TMEM217: variants seen among roughly 807,000 people sequenced by gnomAD.
The protein encoded by TMEM217 is chromosome 6 open reading frame 128.
For missense variants in TMEM217, 204 were observed against 248.8 expected, an observed-to-expected ratio of 0.82 and a Z score of 1.21; for synonymous variants, 76 against 88.3, an observed-to-expected ratio of 0.86 and a Z score of 0.78.
intron 1 of TMEM217, among the ~76,000 whole-genome samples, chr6:37,240,474 C>A (rs186205091): frequency 6.6e-6 from 1 of 152,306 alleles, no homozygotes; most frequent in Non-Finnish European, 1.5e-5. Context: ...TGGCCACTGG[C>A]TTCCCCCAGA....
chr6:37,216,026 T>TGA (rs932464201), downstream of TMEM217, among the ~76,000 whole-genome samples: 6 of 105,914 alleles, frequency 5.7e-5, no homozygotes, highest in Admixed American at 2.0e-4. Context: ...TGTGTGTGTG[T>TGA]GTGTGTGAGA....
At chr6:37,222,799 T>C (rs893568194) in intron 1 of TMEM217, among the ~76,000 whole-genome samples, 3 of 152,042 alleles carry the variant, frequency 2.0e-5, no homozygotes, top group African/African-American at 7.2e-5. Context: ...ACCCGGTGAG[T>C]TCCCGACTTA....
At chr6:37,236,077 A>G (rs1174612044) in intron 1 of TMEM217, among the ~76,000 whole-genome samples, 2 of 152,246 alleles carry the variant, frequency 1.3e-5, no homozygotes, top group African/African-American at 4.8e-5. Context: ...GCTGATTTTT[A>G]TCCTTTCATC....
At chr6:37,244,179 T>C (rs1454123938) in intron 1 of TMEM217, among the ~76,000 whole-genome samples, 1 of 152,244 alleles carries the variant, frequency 6.6e-6, no homozygotes, top group Non-Finnish European at 1.5e-5. Context: ...GCTATTGTCA[T>C]CTTTGCTTTA....
chr6:37,234,982 CA>C (rs1764413507), intron 1 of TMEM217, among the ~76,000 whole-genome samples: 1 of 151,934 alleles, frequency 6.6e-6, no homozygotes, highest in South Asian at 2.1e-4. Context: ...CTAATAAACC[CA>C]GATCATTAAA....
chr6:37,235,131 C>A (rs1316964586), intron 1 of TMEM217, among the ~76,000 whole-genome samples: 12 of 152,094 alleles, frequency 7.9e-5, no homozygotes, highest in Non-Finnish European at 1.5e-5. Context: ...GAGCTAAAAA[C>A]ATTATCATGA....
chr6:37,229,335 G>GTTTTTTTTTTTTTTTTT (rs372385535), intron 1 of TMEM217, among the ~76,000 whole-genome samples: 3 of 74,366 alleles, frequency 4.0e-5, no homozygotes, highest in Non-Finnish European at 4.7e-5. Context: ...GCAACTTTCA[G>GTTTTTTTTTTTTTTTTT]TTTTTTTTTT....
At chr6:37,218,169 C>CTT (rs11404339) in exon 2 of TMEM217, 40,950 of 992,030 alleles carry the variant, frequency 0.041, 5 homozygotes, top group East Asian at 0.051. Context: ...AAGCTGCTAA[C>CTT]TTTTTTTTTT....
At position 37,253,780 on chromosome 6, in the gene TMEM217, C is replaced by T. The variant is rs1271027870; in HGVS notation, c.-12+3788G>A. ...CTATTTTTATCTTCCCATTGGAGCT[C>T]CTGTCCTGAAGTGACTTTCCTCCTA... On this transcript the variant is annotated intron_variant, in intron 1 of 1. Coordinates refer to ENST00000357219, the Ensembl canonical transcript of TMEM217. 2.0e-5 allele frequency among the ~76,000 whole-genome samples: 3 copies of T among 152,186 alleles called. 1 individual carries two copies. The highest frequency in any genetic ancestry group is 2.0e-4 in the Admixed American group (3 of 15,282).
At chr6:37,242,559 C>T (rs1465357149) in intron 1 of TMEM217, among the ~76,000 whole-genome samples, 3 of 152,146 alleles carry the variant, frequency 2.0e-5, no homozygotes, top group Non-Finnish European at 4.4e-5. Flanking sequence ...AGCTGACAAA[C>T]AGGGAAACCA....
intron 1 of TMEM217, among the ~76,000 whole-genome samples, chr6:37,240,931 A>T (rs966677848): frequency 6.6e-6 from 1 of 151,978 alleles, no homozygotes; most frequent in African/African-American, 2.4e-5. Context: ...AAAATATTTT[A>T]ATTTTTGTAT....
chr6:37,216,843 G>T (rs1763231728), downstream of TMEM217, among the ~76,000 whole-genome samples: 3 of 152,130 alleles, frequency 2.0e-5, no homozygotes, highest in Admixed American at 2.0e-4. Flanking sequence ...AGTTTCTTTT[G>T]CCTCTCCATC....
At chr6:37,241,891 C>T (rs1299765946) in intron 1 of TMEM217, among the ~76,000 whole-genome samples, 1 of 152,090 alleles carries the variant, frequency 6.6e-6, no homozygotes, top group Admixed American at 6.6e-5. Context: ...TAAATTTGCA[C>T]TGTAACTAAA....
Position 37,218,590 on chromosome 6 carries a change from GA to G in TMEM217, c.440del (p.Ile147ThrfsTer6). The G allele has an allele frequency of 1.2e-6, 2 of 1,614,190 alleles. No individual in the cohort carries two copies. Among genetic ancestry groups the G allele is most frequent in the Non-Finnish European group, 8.5e-7 (1 of 1,180,022 alleles). On this transcript the variant is annotated frameshift_variant, in exon 2 of 2. Transcript: ENST00000357219. LOFTEE classifies it low-confidence loss of function (END_TRUNC). ...TTTTGTAGGTTATGTGGGCATAGTT[GA>G]TGACAAAGAACATCCAGAAACAGTG... is the stretch of plus-strand genomic sequence containing the variant.
chr6:37,213,614 G>A (rs116171482), downstream of TMEM217, among the ~76,000 whole-genome samples: 4,819 of 152,344 alleles, frequency 0.032, 245 homozygotes, highest in African/African-American at 0.11. Context: ...CCACCATTGT[G>A]CAGGTGAAGG....
At chr6:37,213,867 C>T (rs886638386), downstream of TMEM217, among the ~76,000 whole-genome samples, 1 of 152,264 alleles carries the variant, frequency 6.6e-6, no homozygotes, top group African/African-American at 2.4e-5. Context: ...TCATTCACTA[C>T]ACTGGCGAGC....
intron 1 of TMEM217, among the ~76,000 whole-genome samples, chr6:37,242,023 T>G (rs1003808760): frequency 1.3e-5 from 2 of 151,748 alleles, no homozygotes; most frequent in Admixed American, 6.6e-5. Flanking sequence ...TTTTTTTTTT[T>G]TTTTGCCTGC....
intron 1 of TMEM217, among the ~76,000 whole-genome samples, chr6:37,235,377 T>A (rs533472763): frequency 1.1e-4 from 16 of 152,260 alleles, no homozygotes; most frequent in Admixed American, 9.8e-4. Flanking sequence ...TATTATTATT[T>A]TTTTTTGAGA....
intron 1 of TMEM217, among the ~76,000 whole-genome samples, chr6:37,257,006 A>G (rs1765785608): frequency 6.6e-6 from 1 of 152,224 alleles, no homozygotes; most frequent in Non-Finnish European, 1.5e-5. Flanking sequence ...GAAATTAAGG[A>G]TGTTGGTGGG....
Sources: allele counts gnomAD v4.1 joint callset (sites outside exome capture counted in the v4.1 genomes callset), GRCh38; gene constraint gnomAD v4.1.1; transcripts MANE v1.5; gene names NCBI Gene and HGNC (gene_info 2026-07-23, HGNC 2026-07-21).